MAML2: variants seen among roughly 807,000 people sequenced by gnomAD.
The protein encoded by MAML2 is mastermind-like protein 2.
Under a neutral mutation model 96.1 loss-of-function variants are expected in MAML2, and 22 were observed. That is an observed-to-expected ratio of 0.23 (90% CI 0.16 to 0.33). MAML2 has a LOEUF of 0.33. Among genes scored for constraint, MAML2 ranks in the 10% least tolerant of loss-of-function variants. MAML2 has a pLI of 1.00. For synonymous variants in MAML2, 561 were observed against 521.3 expected (o/e 1.08, Z -1.04); for missense variants, 1,367 against 1,392.4 (o/e 0.98, Z 0.29).
chr11:96,160,466 C>T (rs1056424102), intron 1 of MAML2, among the ~76,000 whole-genome samples: 1 of 149,828 alleles, frequency 6.7e-6, no homozygotes, highest in South Asian at 2.1e-4. Flanking sequence ...CTTACTCTGT[C>T]ACCCAGGCTG....
At chr11:95,996,813 T>C (rs180708643) in intron 2 of MAML2, among the ~76,000 whole-genome samples, 22 of 152,314 alleles carry the variant, frequency 1.4e-4, no homozygotes, top group Admixed American at 9.8e-4. Flanking sequence ...TCGATTTTCA[T>C]ACTCAGCCTC....
chr11:96,253,330 C>T (rs1460847531), intron 1 of MAML2, among the ~76,000 whole-genome samples: 3 of 152,226 alleles, frequency 2.0e-5, no homozygotes, highest in Non-Finnish European at 2.9e-5. Flanking sequence ...GCTGCTCTAA[C>T]ATGACAATGC....
chr11:96,129,259 A>G (rs1205864002), intron 1 of MAML2, among the ~76,000 whole-genome samples: 2 of 152,196 alleles, frequency 1.3e-5, no homozygotes, highest in African/African-American at 2.4e-5. Flanking sequence ...TTCAAAAAAG[A>G]TGTTCTAAAA....
intron 2 of MAML2, among the ~76,000 whole-genome samples, chr11:96,079,750 T>G (rs975080784): frequency 6.6e-6 from 1 of 151,784 alleles, no homozygotes; most frequent in Non-Finnish European, 1.5e-5. Flanking sequence ...TGCAACAAAA[T>G]GAGAGAGTAA....
intron 1 of MAML2, among the ~76,000 whole-genome samples, chr11:96,182,564 A>G (rs1187344913): frequency 6.6e-6 from 1 of 152,192 alleles, no homozygotes; most frequent in Non-Finnish European, 1.5e-5. Context: ...AATTCAACAA[A>G]CATTAGCTAA....
chr11:96,278,157 G>A (rs978202657), intron 1 of MAML2, among the ~76,000 whole-genome samples: 2 of 152,092 alleles, frequency 1.3e-5, no homozygotes, highest in East Asian at 3.9e-4. Context: ...ATCTGATTCT[G>A]TGTTCATATT....
rs532633867 is a variant in MAML2, at chr11:96,255,314, A to G, written c.513+86069T>C. 7.2e-5 allele frequency among the ~76,000 whole-genome samples: 11 copies of G among 152,376 alleles called. No homozygotes were observed. In the South Asian group the frequency reaches 2.1e-3, roughly 29 times the overall value. On this transcript the variant is annotated intron_variant, in intron 1 of 4. Coordinates refer to ENST00000524717, the MANE Select transcript of MAML2 (RefSeq NM_032427.4). ...AGCTCATATTGATTGAATGCTGATT[A>G]CTGACTGAGCATAGAAACTATTTCA... is the stretch of plus-strand genomic sequence containing the variant.
At chr11:96,136,682 T>C (rs1860638977) in intron 1 of MAML2, among the ~76,000 whole-genome samples, 1 of 152,222 alleles carries the variant, frequency 6.6e-6, no homozygotes, top group African/African-American at 2.4e-5. Context: ...CTGTTTTTCT[T>C]TCAGCTGATG....
chr11:96,213,008 TTCAAC>T, intron 1 of MAML2, among the ~76,000 whole-genome samples: 1 of 152,310 alleles, frequency 6.6e-6, no homozygotes, highest in East Asian at 1.9e-4. Context: ...TATGAGCCTT[TTCAAC>T]TCAAGCATAC....
chr11:96,197,063 A>G (rs935598042), intron 1 of MAML2, among the ~76,000 whole-genome samples: 2 of 152,184 alleles, frequency 1.3e-5, no homozygotes, highest in African/African-American at 4.8e-5. Context: ...TCACTCCAAG[A>G]AAAGGCAGAG....
chr11:96,095,345 C>CTCT (rs1170101484), intron 1 of MAML2, among the ~76,000 whole-genome samples: 1 of 152,142 alleles, frequency 6.6e-6, no homozygotes, highest in Non-Finnish European at 1.5e-5. Flanking sequence ...TCAATCATCC[C>CTCT]TTATTTGTAG....
chr11:96,171,417 T>C (rs556830563), intron 1 of MAML2, among the ~76,000 whole-genome samples: 1 of 152,320 alleles, frequency 6.6e-6, no homozygotes, highest in South Asian at 2.1e-4. Context: ...ATTTAATTAT[T>C]GGTTCATTTT....
chr11:96,203,454 G>T (rs1183346713), intron 1 of MAML2, among the ~76,000 whole-genome samples: 1 of 152,186 alleles, frequency 6.6e-6, no homozygotes, highest in African/African-American at 2.4e-5. Flanking sequence ...AATGTTTGTT[G>T]TCAGATCTGG....
At chr11:96,218,795 A>G (rs1001129650) in intron 1 of MAML2, among the ~76,000 whole-genome samples, 2 of 152,240 alleles carry the variant, frequency 1.3e-5, no homozygotes, top group African/African-American at 2.4e-5. Flanking sequence ...TAAATAACAA[A>G]TAAGTTTTTA....
At chr11:96,068,438 TCACACACACACACACA>T (rs10522513) in intron 2 of MAML2, among the ~76,000 whole-genome samples, 9 of 120,292 alleles carry the variant, frequency 7.5e-5, no homozygotes, top group African/African-American at 1.5e-4. Flanking sequence ...GGAGCTTACT[TCACACACACACACACA>T]CACACACACA....
At chr11:95,993,071 G>A (rs1857937692) in intron 2 of MAML2, among the ~76,000 whole-genome samples, 1 of 150,324 alleles carries the variant, frequency 6.7e-6, no homozygotes, top group African/African-American at 2.4e-5. Flanking sequence ...GAGACAGGGT[G>A]GCTAATTTTT....
chr11:96,191,260 T>C (rs542346269), intron 1 of MAML2, among the ~76,000 whole-genome samples: 11 of 151,642 alleles, frequency 7.3e-5, no homozygotes, highest in Middle Eastern at 3.4e-3. Context: ...GGTCAAGAGA[T>C]TGAGACAATC....
At chr11:96,295,566 C>T (rs1245684014) in intron 1 of MAML2, among the ~76,000 whole-genome samples, 1 of 152,144 alleles carries the variant, frequency 6.6e-6, no homozygotes, top group Admixed American at 6.5e-5. Flanking sequence ...TATGTTATTA[C>T]TTACCCTGGA....
chr11:95,991,574 C>A lies in MAML2; in HGVS notation c.2289G>T (p.Gln763His). The A allele has an allele frequency of 6.2e-7, 1 of 1,613,824 alleles. No individual in the cohort carries two copies. Among genetic ancestry groups the A allele is most frequent in the Non-Finnish European group, 8.5e-7 (1 of 1,179,744 alleles). ...GAAGTTGCTGTTTCTGCTCCATGAT[C>A]TGCCTCTGTAGAGTCTGCTTCTTTC... ...LMGKKQTLQR[Q>H]IMEQKQQLLL... Residue 763 changes from glutamine to histidine, a missense_variant, in exon 3 of 5, where the codon CAG (glutamine) becomes CAT (histidine). Physicochemically the swap from Gln to His is conservative, Grantham distance 24 (BLOSUM62 0). Coordinates refer to ENST00000524717, the MANE Select transcript of MAML2 (RefSeq NM_032427.4).
Sources: allele counts gnomAD v4.1 joint callset (sites outside exome capture counted in the v4.1 genomes callset), GRCh38; gene constraint gnomAD v4.1.1; transcripts MANE v1.5; gene names NCBI Gene and HGNC (gene_info 2026-07-23, HGNC 2026-07-21).